Variants in ROBO2 observed in about 807,000 individuals in gnomAD.
The protein encoded by ROBO2 is roundabout homolog 2.
A neutral mutation model predicts 160.8 loss-of-function variants in ROBO2; 53 were observed. The ratio of observed to expected loss-of-function variants is 0.33; its 90% CI spans 0.26 to 0.41. The LOEUF is 0.41. Among genes scored for constraint, ROBO2 ranks in the 10% least tolerant of loss-of-function variants. The pLI, the probability that ROBO2 is intolerant of heterozygous loss-of-function variation, is 1.00. For synonymous variants in ROBO2, 664 were observed against 611.7 expected, an observed-to-expected ratio of 1.09 and a Z score of -1.26; for missense variants, 1,577 against 1,722.4, an observed-to-expected ratio of 0.92 and a Z score of 1.49.
chr3:76,037,894 G>A (rs1220372004), intron 2 of ROBO2, among the ~76,000 whole-genome samples: 1 of 152,010 alleles, frequency 6.6e-6, no homozygotes, highest in African/African-American at 2.4e-5. Context: ...TGAATGACAG[G>A]GGTCAAGGAG....
Position 75,976,713 on chromosome 3 carries a change from C to T in ROBO2, c.109+39111C>T, listed in dbSNP as rs189796174. On this transcript the variant is annotated intron_variant, in intron 2 of 26. Transcript: ENST00000487694. The stretch of plus-strand genomic sequence containing the variant: ...TAAAAACCCAAATCTAAGGAAGTTT[C>T]CATTGTGACACAGAGCATTGTAAGA... Among the ~76,000 whole-genome samples the T allele has an allele frequency of 2.6e-5, 4 of 151,528 alleles. No individual in the cohort carries two copies. The East Asian group carries it at 7.8e-4, about 30-fold the overall frequency.
intron 2 of ROBO2, among the ~76,000 whole-genome samples, chr3:76,631,466 A>G (rs968659188): frequency 6.6e-6 from 1 of 152,172 alleles, no homozygotes. Flanking sequence ...GGCATAGGGC[A>G]TGGCACAATA....
chr3:76,920,869 A>T (rs1338898925), intron 2 of ROBO2, among the ~76,000 whole-genome samples: 1 of 152,220 alleles, frequency 6.6e-6, no homozygotes, highest in Non-Finnish European at 1.5e-5. Flanking sequence ...GAGTTTTTTT[A>T]AAAACTCACA....
At chr3:77,173,283 C>G (rs1456851183) in intron 2 of ROBO2, among the ~76,000 whole-genome samples, 2 of 152,096 alleles carry the variant, frequency 1.3e-5, no homozygotes, top group Non-Finnish European at 2.9e-5. Flanking sequence ...AAAAGAGACA[C>G]TGTCAAATAT....
At chr3:76,656,404 C>T (rs973592360) in intron 2 of ROBO2, among the ~76,000 whole-genome samples, 1 of 152,150 alleles carries the variant, frequency 6.6e-6, no homozygotes, top group South Asian at 2.1e-4. Flanking sequence ...ATAATCATCT[C>T]ATGAAAACAC....
At chr3:77,605,289 C>T (rs1367021869) in intron 20 of ROBO2, among the ~76,000 whole-genome samples, 1 of 151,802 alleles carries the variant, frequency 6.6e-6, no homozygotes, top group Non-Finnish European at 1.5e-5. Context: ...AAGAAATTCT[C>T]ACCTTAAAGT....
At chr3:77,219,128 C>G (rs1376453459) in intron 2 of ROBO2, among the ~76,000 whole-genome samples, 1 of 151,736 alleles carries the variant, frequency 6.6e-6, no homozygotes, top group Non-Finnish European at 1.5e-5. Flanking sequence ...ACCAGCACGC[C>G]CCGCTAATTT....
Position 77,477,577 on chromosome 3 carries a change from T to A in ROBO2, c.546+6T>A, listed in dbSNP as rs765539061. On this transcript the variant is annotated splice_donor_region_variant and intron_variant, in intron 3 of 25. Transcript: ENST00000461745. ...ACAAGGAAGAAAGAATAAGTGTGAG[T>A]TAAATTAAAATCATGGCCCAGAGAG... 1 of 1,613,550 alleles carries A rather than the reference T, an allele frequency of 6.2e-7. No homozygotes were observed. The highest frequency in any genetic ancestry group is 2.2e-5 in the East Asian group (1 of 44,852).
chr3:77,090,385 G>A (rs546319462), intron 1 of ROBO2, among the ~76,000 whole-genome samples: 7 of 110,376 alleles, frequency 6.3e-5, no homozygotes, highest in African/African-American at 1.7e-4. Context: ...ACGGAGTTTC[G>A]CTCTGTGGCC....
At chr3:77,565,148 G>A (rs1431419157) in intron 12 of ROBO2, 28 bp downstream of exon 13, 2 of 1,612,206 alleles carry the variant, frequency 1.2e-6, no homozygotes, top group East Asian at 4.5e-5. Context: ...CAACAAGACT[G>A]GTTCTAGGCA....
At chr3:76,155,087 T>C (rs1215698410) in intron 2 of ROBO2, among the ~76,000 whole-genome samples, 2 of 152,130 alleles carry the variant, frequency 1.3e-5, no homozygotes, top group Admixed American at 6.6e-5. Flanking sequence ...ATTAACCCAA[T>C]AGTACCGAAG....
chr3:77,482,596 A>G (rs1220674773), intron 4 of ROBO2, among the ~76,000 whole-genome samples: 1 of 152,166 alleles, frequency 6.6e-6, no homozygotes, highest in Admixed American at 6.6e-5. Flanking sequence ...TTGAATAGAA[A>G]AAATAGAATT....
chr3:77,358,791 A>G (rs2069501489), intron 2 of ROBO2, among the ~76,000 whole-genome samples: 1 of 152,180 alleles, frequency 6.6e-6, no homozygotes, highest in Admixed American at 6.5e-5. Context: ...CAGTGGAAGA[A>G]AACTGTATTA....
chr3:76,085,808 T>C (rs2108059216), intron 2 of ROBO2, among the ~76,000 whole-genome samples: 1 of 152,212 alleles, frequency 6.6e-6, no homozygotes, highest in South Asian at 2.1e-4. Context: ...AATTAAAAAC[T>C]CCAAGAGAGC....
intron 2 of ROBO2, among the ~76,000 whole-genome samples, chr3:76,940,050 C>G (rs1330395487): frequency 6.8e-6 from 1 of 146,726 alleles, no homozygotes; most frequent in Non-Finnish European, 1.5e-5. Context: ...GGCGCTACCT[C>G]GGCTCACTGC....
At chr3:76,693,007 T>C (rs892644078) in intron 2 of ROBO2, among the ~76,000 whole-genome samples, 3 of 149,268 alleles carry the variant, frequency 2.0e-5, no homozygotes, top group East Asian at 2.0e-4. Flanking sequence ...TATATGTATG[T>C]ATATACACAT....
chr3:76,840,492 C>T lies in ROBO2; in HGVS notation c.110-257522C>T, dbSNP rs1169010589. On this transcript the variant is annotated intron_variant, in intron 2 of 26. Transcript: ENST00000487694. ...GGGTGTGGTGGCAGGCGCCTGTAGT[C>T]CCAGCTACTCGGGAGGCTGAGGCAG... Among the ~76,000 whole-genome samples, 3 of 151,344 alleles carry T rather than the reference C, an allele frequency of 2.0e-5. No homozygotes were observed. In the East Asian group the frequency reaches 5.8e-4, roughly 29 times the overall value.
At chr3:75,912,703 A>G (rs936546211) in intron 1 of ROBO2, among the ~76,000 whole-genome samples, 1 of 152,040 alleles carries the variant, frequency 6.6e-6, no homozygotes, top group Admixed American at 6.6e-5. Context: ...ATAGAAAAAA[A>G]TTTCATCTCT....
chr3:76,394,795 A>G (rs751776985), intron 2 of ROBO2, among the ~76,000 whole-genome samples: 1 of 152,126 alleles, frequency 6.6e-6, no homozygotes, highest in African/African-American at 2.4e-5. Context: ...ATATATATGC[A>G]CCCAATACAG....
Sources: gnomAD v4.1 joint callset for allele counts (sites outside exome capture counted in the v4.1 genomes callset) on GRCh38, gnomAD v4.1.1 for gene constraint, MANE v1.5 for transcripts, NCBI Gene and HGNC (gene_info 2026-07-23, HGNC 2026-07-21) for gene names.